Variants in ECE1 observed in about 807,000 individuals in gnomAD.
ECE1 encodes the protein endothelin converting enzyme 1, also known as endothelin-converting enzyme 1.
A neutral mutation model predicts 98.6 loss-of-function variants in ECE1; 35 were observed. The ratio of observed to expected loss-of-function variants is 0.35; its 90% CI spans 0.27 to 0.47. The LOEUF (loss-of-function observed/expected upper bound fraction) is 0.47, where lower values mean the gene tolerates loss of function less well. Among genes scored for constraint, ECE1 ranks in the 20% least tolerant of loss-of-function variants. The pLI, the probability that ECE1 is intolerant of heterozygous loss-of-function variation, is 1.00. For synonymous variants in ECE1, 394 were observed against 407.1 expected (o/e 0.97, Z 0.39); for missense variants, 814 against 1,025.3 (o/e 0.79, Z 2.81).
rs570162727 is a variant in ECE1, at chr1:21,317,299, G to A, written c.4-27143C>T. On this transcript the variant is annotated intron_variant, in intron 1 of 18. Transcript: ENST00000415912. Reference sequence around the variant, plus strand: ...ATCCTATCGCCCACTGTTAGCTCCCGGGACTCTTCTGAGAATTAAACAAGG... The same window carrying A: ...ATCCTATCGCCCACTGTTAGCTCCCAGGACTCTTCTGAGAATTAAACAAGG... Among the ~76,000 whole-genome samples the A allele has an allele frequency of 6.6e-4, 101 of 152,198 alleles. 1 individual carries two copies. Among genetic ancestry groups the A allele is most frequent in the Non-Finnish European group, 2.6e-4 (18 of 67,996 alleles).
chr1:21,254,159 T>A (rs1318342019), intron 8 of ECE1, among the ~76,000 whole-genome samples: 1 of 145,562 alleles, frequency 6.9e-6, no homozygotes, highest in African/African-American at 2.6e-5. Context: ...ACAGCTGGGG[T>A]GAGTGAACGA....
chr1:21,235,969 G>A lies in ECE1; in HGVS notation c.1489-42C>T, dbSNP rs868054267. 1.4e-5 allele frequency: 23 copies of A among 1,591,410 alleles called. No individual in the cohort carries two copies. In the Middle Eastern group the frequency reaches 2.5e-3, roughly 172 times the overall value. The stretch of plus-strand genomic sequence containing the variant: ...GAGGAAGTGAGTGCCCGGCAACATC[G>A]ACCAGGCCAGCCTGAGCAACTTGGG... On this transcript the variant is annotated intron_variant, in intron 12 of 18. Transcript: ENST00000374893. This position sits in a 1 kb window ranked among gnomAD's most constrained non-coding sequence, Gnocchi z 4.2.
chr1:21,220,096 G>C lies in ECE1; in HGVS notation c.2172C>G (p.His724Gln), dbSNP rs762186082. The C allele has an allele frequency of 9.3e-6, 15 of 1,613,994 alleles. No individual in the cohort carries two copies. Among genetic ancestry groups the C allele is most frequent in the African/African-American group, 1.3e-5 (1 of 75,034 alleles). Reference protein sequence around the residue: ...WCSVRTPESSHEGLITDPHSP... With the variant: ...WCSVRTPESSQEGLITDPHSP... ...TGTGGGGATCGGTGATGAGGCCTTC[G>C]TGGGAGCTCTCAGGTGTGCGGACGG... The change falls in exon 19 of 19, where the codon CAC (histidine) becomes CAG (glutamine). Residue 724 changes from histidine (H) to glutamine (Q), a missense_variant. Around this residue, in one of 3 missense-constraint regions of ECE1, gnomAD observed 452 missense variants for 567.3 expected, o/e 0.80. Transcript: ENST00000374893. The surrounding 1 kb of genome is among the most constrained non-coding windows in gnomAD (Gnocchi z 5.0).
rs1357200625 is a variant in ECE1, at chr1:21,340,184, G to A, written c.3+5192C>T. Among the ~76,000 whole-genome samples the A allele has an allele frequency of 6.6e-6, 1 of 152,232 alleles. No homozygotes were observed. Among genetic ancestry groups the A allele is most frequent in the African/African-American group, 2.4e-5 (1 of 41,452 alleles). On this transcript the variant is annotated intron_variant, in intron 1 of 18. Transcript: ENST00000415912. The surrounding 1 kb of genome is among the most constrained non-coding windows in gnomAD (Gnocchi z 4.6). ...TTTCTACCTTATTTCAGAGCGATCTGGGAACTTGTTCTTTCTCCTCTATTA... is the reference window on the plus strand; with the variant it reads ...TTTCTACCTTATTTCAGAGCGATCTAGGAACTTGTTCTTTCTCCTCTATTA...
At chr1:21,255,061 G>A (rs532717546) in intron 8 of ECE1, among the ~76,000 whole-genome samples, 1 of 152,210 alleles carries the variant, frequency 6.6e-6, no homozygotes, top group South Asian at 2.1e-4. Flanking sequence ...CACATGAAGC[G>A]CAAGGTCCCA....
Position 21,225,733 on chromosome 1 carries a change from T to C in ECE1, c.1850-293A>G, listed in dbSNP as rs7514270. Among the ~76,000 whole-genome samples the C allele has an allele frequency of 0.14, 21,212 of 147,484 alleles. 3,602 individuals carry two copies. Among genetic ancestry groups the C allele is most frequent in the African/African-American group, 0.41 (16,593 of 40,026 alleles). On this transcript the variant is annotated intron_variant, in intron 16 of 18. Transcript: ENST00000374893. The surrounding 1 kb of genome is among the most constrained non-coding windows in gnomAD (Gnocchi z 5.3). ...TTTTGAGACAGTCTCACTCTGCCAC[T>C]CAGGCTGGAGTGCAGTGGCGCAATC...
At chr1:21,262,674 G>GCGAGTTC (rs1224193544) in intron 4 of ECE1, among the ~76,000 whole-genome samples, 2 of 152,200 alleles carry the variant, frequency 1.3e-5, no homozygotes, top group Non-Finnish European at 2.9e-5. Context: ...GCTAATCACA[G>GCGAGTTC]CGAGTTCCGA....
chr1:21,249,731 T>C (rs927288037), intron 8 of ECE1, among the ~76,000 whole-genome samples: 17 of 152,146 alleles, frequency 1.1e-4, no homozygotes, highest in African/African-American at 2.2e-4. Context: ...CACACTGCAG[T>C]GCTACCATCA....
intron 4 of ECE1, among the ~76,000 whole-genome samples, chr1:21,270,857 C>T (rs1237590554): frequency 6.6e-6 from 1 of 152,130 alleles, no homozygotes; most frequent in African/African-American, 2.4e-5. Flanking sequence ...AGATTCGAAC[C>T]CAGGTCCTGG....
At chr1:21,302,219 G>C (rs960132942) in intron 1 of ECE1, among the ~76,000 whole-genome samples, 2 of 152,206 alleles carry the variant, frequency 1.3e-5, no homozygotes, top group Non-Finnish European at 2.9e-5. Flanking sequence ...CACGCCACCT[G>C]TTCCAGGAGG....
intron 1 of ECE1, among the ~76,000 whole-genome samples, chr1:21,330,131 TA>T (rs1639168039): frequency 7.7e-6 from 1 of 130,308 alleles, no homozygotes; most frequent in Non-Finnish European, 1.6e-5. Context: ...ACTCACTAAA[TA>T]CTTTTTTTTT....
chr1:21,265,766 A>C (rs774956760), intron 4 of ECE1, among the ~76,000 whole-genome samples: 1 of 151,960 alleles, frequency 6.6e-6, no homozygotes, highest in Non-Finnish European at 1.5e-5. Flanking sequence ...CTCCTTTAAG[A>C]CACCCCTGGC....
chr1:21,262,769 TGCTCCTTC>T (rs1250001989), intron 4 of ECE1, among the ~76,000 whole-genome samples: 1 of 152,250 alleles, frequency 6.6e-6, no homozygotes, highest in Non-Finnish European at 1.5e-5. Flanking sequence ...CAGCCTCCCT[TGCTCCTTC>T]GCTGAGAGGC....
chr1:21,254,265 G>A (rs189437819), intron 8 of ECE1, among the ~76,000 whole-genome samples: 2 of 151,980 alleles, frequency 1.3e-5, no homozygotes, highest in African/African-American at 4.8e-5. Flanking sequence ...ATTTCCTAAA[G>A]ATCTTAATTG....
intron 14 of ECE1, among the ~76,000 whole-genome samples, chr1:21,228,844 CTTTT>C (rs540408679): frequency 4.3e-5 from 4 of 92,616 alleles, no homozygotes; most frequent in African/African-American, 4.4e-5. Context: ...TGAAGAGTAT[CTTTT>C]TTTTTTTTTT....
rs1639383207 is a variant in ECE1, at chr1:21,340,773, C to T, written c.3+4603G>A. ...ACTTGAACCAGGGAGGCTGAGGCTG[C>T]AGTGAGCTGAGATTGCACCACTGCA... On this transcript the variant is annotated intron_variant, in intron 1 of 18. Transcript: ENST00000415912. The surrounding 1 kb of genome is among the most constrained non-coding windows in gnomAD (Gnocchi z 4.6). 1.3e-5 allele frequency among the ~76,000 whole-genome samples: 2 copies of T among 152,300 alleles called. No homozygotes were observed. Among genetic ancestry groups the T allele is most frequent in the South Asian group, 2.1e-4 (1 of 4,832 alleles).
rs771623039 is a variant in ECE1, at chr1:21,218,051, C to T, written c.*1904G>A. 1 of 152,392 alleles carries T rather than the reference C, an allele frequency of 6.6e-6. No homozygotes were observed. Among genetic ancestry groups the T allele is most frequent in the Non-Finnish European group, 1.5e-5 (1 of 68,182 alleles). 9.4% of individuals were successfully genotyped at this position (152,392 alleles called of 1,614,324 possible). ...TCCGTCTCGGGGCCTGGCTTCCCCA[C>T]TGGATGGCAGAGGCCGCTCCAGGTG... On this transcript the variant is annotated 3_prime_UTR_variant, in exon 19 of 19. Coordinates refer to ENST00000374893, the MANE Select transcript of ECE1 (RefSeq NM_001397.3). The surrounding 1 kb of genome is among the most constrained non-coding windows in gnomAD (Gnocchi z 4.0).
At chr1:21,263,810 G>A (rs1450708440) in intron 4 of ECE1, among the ~76,000 whole-genome samples, 2 of 152,118 alleles carry the variant, frequency 1.3e-5, no homozygotes, top group East Asian at 3.9e-4. Flanking sequence ...CTGGTAGAAG[G>A]TACGGTTCCT....
rs1230564352 is a variant in ECE1, at chr1:21,260,735, G to C, written c.494-343C>G. Among the ~76,000 whole-genome samples the C allele has an allele frequency of 6.6e-6, 1 of 152,216 alleles. No individual in the cohort carries two copies. The highest frequency in any genetic ancestry group is 2.4e-5 in the African/African-American group (1 of 41,434). ...TTCCCCTGTGGATAACGTGTGGTAC[G>C]AACACCCCTGCCTGGTGCATGGGAC... On this transcript the variant is annotated intron_variant, in intron 4 of 18. Transcript: ENST00000374893. This position sits in a 1 kb window ranked among gnomAD's most constrained non-coding sequence, Gnocchi z 4.3.
Sources: gnomAD v4.1 joint callset for allele counts (sites outside exome capture counted in the v4.1 genomes callset) on GRCh38, gnomAD v4.1.1 for gene constraint, gnomAD v4.1.1 regional missense constraint, Gnocchi (gnomAD v3.1) non-coding constraint, MANE v1.5 for transcripts, NCBI Gene and HGNC (gene_info 2026-07-23, HGNC 2026-07-21) for gene names.